The following BRIP1 variants were observed in gnomAD, a reference collection of about 807,000 sequenced individuals.
The protein encoded by BRIP1 is BRCA1 interacting DNA helicase 1, also known as Fanconi anemia group J protein.
A neutral mutation model predicts 119.7 loss-of-function variants in BRIP1; 88 were observed. That is an observed-to-expected ratio of 0.74 (90% CI 0.62 to 0.88). The LOEUF (loss-of-function observed/expected upper bound fraction) is 0.88, where lower values mean the gene tolerates loss of function less well. Ranked by LOEUF, BRIP1 falls within the 40% of genes least tolerant of loss-of-function variation. BRIP1 has a pLI of 0.00. For synonymous variants in BRIP1, 443 were observed against 496.5 expected, an observed-to-expected ratio of 0.89 and a Z score of 1.43; for missense variants, 1,259 against 1,455.4, an observed-to-expected ratio of 0.87 and a Z score of 2.20.
intron 16 of BRIP1, among the ~76,000 whole-genome samples, chr17:61,721,439 T>G (rs571580007): frequency 2.0e-5 from 3 of 151,876 alleles, no homozygotes; most frequent in Admixed American, 1.3e-4. Context: ...CCAGCTAATT[T>G]TTTGTATTTT....
In BRIP1 at chr17:61,762,231, A is replaced by G. The variant is rs533832696; in HGVS notation, c.2097+14170T>C. Among the ~76,000 whole-genome samples the G allele has an allele frequency of 2.0e-5, 3 of 152,196 alleles. No individual in the cohort carries two copies. Among genetic ancestry groups the G allele is most frequent in the African/African-American group, 7.2e-5 (3 of 41,566 alleles). Reference sequence around the variant, plus strand: ...AATGAAAATGGACCCTTATCTCACAATATTTAAAAAAAAACTCAAAATGAA... The same window carrying G: ...AATGAAAATGGACCCTTATCTCACAGTATTTAAAAAAAAACTCAAAATGAA... On this transcript the variant is annotated intron_variant, in intron 14 of 19. Transcript: ENST00000259008. The surrounding 1 kb of genome is among the most constrained non-coding windows in gnomAD (Gnocchi z 4.3).
rs544582161 is a variant in BRIP1, at chr17:61,680,085, G to A, written c.*3211C>T. Among the ~76,000 whole-genome samples the A allele has an allele frequency of 2.6e-4, 40 of 151,790 alleles. No homozygotes were observed. The highest frequency in any genetic ancestry group is 9.7e-4 in the African/African-American group (40 of 41,362). ...AGGCCAGGCATGGTGGCTCACGCCT[G>A]TAATCCCAACACTTTGGGAGGCCGA... On this transcript the variant is annotated 3_prime_UTR_variant, in exon 20 of 20. Coordinates refer to ENST00000259008, the MANE Select transcript of BRIP1 (RefSeq NM_032043.3).
rs143277569 is a variant in BRIP1 at position 61,739,670 on chromosome 17, A to G, written c.2379+3343T>C. Among the ~76,000 whole-genome samples the G allele has an allele frequency of 9.5e-3, 1,447 of 152,338 alleles. 14 individuals carry two copies. The highest frequency in any genetic ancestry group is 0.017 in the Non-Finnish European group (1,124 of 68,024). On this transcript the variant is annotated intron_variant, in intron 16 of 19. Coordinates refer to ENST00000259008, the MANE Select transcript of BRIP1 (RefSeq NM_032043.3). This position sits in a 1 kb window ranked among gnomAD's most constrained non-coding sequence, Gnocchi z 6.0. ...AGTATTAACAATTAAAAAGATAACT[A>G]TTCTAATGAAAGAACTCCTGCTTTG...
intron 16 of BRIP1, among the ~76,000 whole-genome samples, chr17:61,718,067 T>C (rs774797985): frequency 7.2e-5 from 11 of 152,210 alleles, no homozygotes; most frequent in Non-Finnish European, 1.2e-4. Context: ...ACATAAGATA[T>C]TTTAAAAATC....
rs1353924368 is a variant in BRIP1, at chr17:61,843,214, G to A, written c.627+3887C>T. Among the ~76,000 whole-genome samples, 2 of 152,130 alleles carry A rather than the reference G, an allele frequency of 1.3e-5. No homozygotes were observed. Among genetic ancestry groups the A allele is most frequent in the African/African-American group, 2.4e-5 (1 of 41,406 alleles). On this transcript the variant is annotated intron_variant, in intron 6 of 19. Coordinates refer to ENST00000259008, the MANE Select transcript of BRIP1 (RefSeq NM_032043.3). This position sits in a 1 kb window ranked among gnomAD's most constrained non-coding sequence, Gnocchi z 5.7. ...ACAATGGTTACTGGGGCAGGGAGGT[G>A]GGGGATTTGAGGAGATGTTGATCAA...
At chr17:61,716,313 C>T (rs1318669760) in intron 16 of BRIP1, among the ~76,000 whole-genome samples, 1 of 151,936 alleles carries the variant, frequency 6.6e-6, no homozygotes, top group African/African-American at 2.4e-5. Flanking sequence ...TTCATTAAAT[C>T]CACACAATTT....
Position 61,752,932 on chromosome 17 carries a change from G to A in BRIP1, c.2098-8341C>T, listed in dbSNP as rs1207958618. Among the ~76,000 whole-genome samples, 1 of 152,132 alleles carries A rather than the reference G, an allele frequency of 6.6e-6. No homozygotes were observed. The highest frequency in any genetic ancestry group is 1.5e-5 in the Non-Finnish European group (1 of 68,014). ...ATGATTACAGTACCTGCTATGTTTT[G>A]AACATTTGTCCTCTCCAAAATGTTG... On this transcript the variant is annotated intron_variant, in intron 14 of 19. Transcript: ENST00000259008. The surrounding 1 kb of genome is among the most constrained non-coding windows in gnomAD (Gnocchi z 6.2).
Position 61,695,898 on chromosome 17 carries a change from T to C in BRIP1, c.2493-2386A>G, listed in dbSNP as rs193293450. Among the ~76,000 whole-genome samples the C allele has an allele frequency of 1.3e-5, 2 of 152,284 alleles. No individual in the cohort carries two copies. The highest frequency in any genetic ancestry group is 3.9e-4 in the East Asian group (2 of 5,192). ...TTCTTAGAATTTTCTTAGAATGTAA[T>C]ATATCATTTGCAAATAAAAATAGTT... On this transcript the variant is annotated intron_variant, in intron 17 of 19. Transcript: ENST00000259008. This position sits in a 1 kb window ranked among gnomAD's most constrained non-coding sequence, Gnocchi z 4.3.
rs1944287688 is a variant in BRIP1, at chr17:61,803,194, A to C, written c.919-1720T>G. On this transcript the variant is annotated intron_variant, in intron 7 of 19. Coordinates refer to ENST00000259008, the MANE Select transcript of BRIP1 (RefSeq NM_032043.3). This position sits in a 1 kb window ranked among gnomAD's most constrained non-coding sequence, Gnocchi z 4.3. ...ACTGCAACCTCCGCCTCCCAGGTTC[A>C]AGCAATTCTTGTGCCTCAGCCACCA... is the stretch of plus-strand genomic sequence containing the variant. 6.6e-6 allele frequency among the ~76,000 whole-genome samples: 1 copy of C among 152,026 alleles called. No individual in the cohort carries two copies.
Position 61,686,186 on chromosome 17 carries a change from A to C in BRIP1, c.2576-21T>G. The C allele has an allele frequency of 6.2e-7, 1 of 1,611,820 alleles. No individual in the cohort carries two copies. On this transcript the variant is annotated intron_variant, in intron 18 of 19. Transcript: ENST00000259008. This position sits in a 1 kb window ranked among gnomAD's most constrained non-coding sequence, Gnocchi z 5.4. ...AAGTCCTAAAGAAAAAGGTAAACCCAGGGAAAATTTGGTTACTTAGTTATT... is the reference window on the plus strand; with the variant it reads ...AAGTCCTAAAGAAAAAGGTAAACCCCGGGAAAATTTGGTTACTTAGTTATT...
chr17:61,721,920 G>T (rs2061985296), intron 16 of BRIP1, among the ~76,000 whole-genome samples: 1 of 150,236 alleles, frequency 6.7e-6, no homozygotes, highest in Non-Finnish European at 1.5e-5. Flanking sequence ...GTAAAAACAG[G>T]GTTTCACCAT....
rs1409887406 is a variant in BRIP1 at position 61,780,545 on chromosome 17, T to C, written c.1795-144A>G. The C allele has an allele frequency of 7.6e-6, 6 of 790,530 alleles. No homozygotes were observed. The highest frequency in any genetic ancestry group is 7.0e-5 in the Admixed American group (3 of 42,822). The allele number at this position is 790,530 out of a possible 1,614,324, so 49.0% of individuals were successfully genotyped here. On this transcript the variant is annotated intron_variant, in intron 12 of 19. Coordinates refer to ENST00000259008, the MANE Select transcript of BRIP1 (RefSeq NM_032043.3). This position sits in a 1 kb window ranked among gnomAD's most constrained non-coding sequence, Gnocchi z 5.4. ...GAGTCTGAGACCAGCCTGGGCAATA[T>C]GGTGAAACCCCGTCTCTACAAAAAA...
chr17:61,808,874 A>C lies in BRIP1; in HGVS notation c.628-117T>G. On this transcript the variant is annotated intron_variant, in intron 6 of 19. Transcript: ENST00000259008. The surrounding 1 kb of genome is among the most constrained non-coding windows in gnomAD (Gnocchi z 4.1). ...AATCACAATGGTCAAATAAAGAGAA[A>C]TAACAAGAAATTATAGTATCTAAAA... is the stretch of plus-strand genomic sequence containing the variant. The C allele has an allele frequency of 9.5e-7, 1 of 1,054,084 alleles. No homozygotes were observed. The highest frequency in any genetic ancestry group is 1.4e-6 in the Non-Finnish European group (1 of 724,834). The allele number at this position is 1,054,084 out of a possible 1,614,324, so 65.3% of individuals were successfully genotyped here.
Position 61,768,234 on chromosome 17 carries a change from G to A in BRIP1, c.2097+8167C>T, listed in dbSNP as rs570154521. 6.6e-6 allele frequency among the ~76,000 whole-genome samples: 1 copy of A among 152,106 alleles called. No homozygotes were observed. Among genetic ancestry groups the A allele is most frequent in the South Asian group, 2.1e-4 (1 of 4,828 alleles). On this transcript the variant is annotated intron_variant, in intron 14 of 19. Coordinates refer to ENST00000259008, the MANE Select transcript of BRIP1 (RefSeq NM_032043.3). The surrounding 1 kb of genome is among the most constrained non-coding windows in gnomAD (Gnocchi z 5.0). ...AAATAAATGTGAAGTAAAGTTATGAGATTTCTCAGGAAGATCTTAAATATA... is the reference window on the plus strand; with the variant it reads ...AAATAAATGTGAAGTAAAGTTATGAAATTTCTCAGGAAGATCTTAAATATA...
chr17:61,716,681 G>A (rs930518559), intron 16 of BRIP1, among the ~76,000 whole-genome samples: 1 of 97,254 alleles, frequency 1.0e-5, no homozygotes. Context: ...TTATTGTTAT[G>A]ATTGGGTTTA....
At position 61,710,754 on chromosome 17, in the gene BRIP1, G is replaced by A. The variant is rs748039297; in HGVS notation, c.2492+5197C>T. 1.1e-4 allele frequency among the ~76,000 whole-genome samples: 17 copies of A among 152,066 alleles called. No individual in the cohort carries two copies. The highest frequency in any genetic ancestry group is 2.0e-4 in the Admixed American group (3 of 15,268). On this transcript the variant is annotated intron_variant, in intron 17 of 19. Transcript: ENST00000259008. This position sits in a 1 kb window ranked among gnomAD's most constrained non-coding sequence, Gnocchi z 5.4. ...TAAAGGGCCATTTAGTAGCCATGTG[G>A]CCTTAGAAAAATAATTTAATTTCTC...
In BRIP1 at chr17:61,726,337, C is replaced by T. The variant is rs567896536; in HGVS notation, c.2380-10274G>A. On this transcript the variant is annotated intron_variant, in intron 16 of 19. Transcript: ENST00000259008. This position sits in a 1 kb window ranked among gnomAD's most constrained non-coding sequence, Gnocchi z 6.2. ...GCATCAGATACTAGAGGTAAGTGGA[C>T]GAGAAAGTCATTACTTACCCCATAT... 6.6e-5 allele frequency among the ~76,000 whole-genome samples: 10 copies of T among 152,240 alleles called. No homozygotes were observed. The highest frequency in any genetic ancestry group is 1.9e-4 in the East Asian group (1 of 5,188).
chr17:61,790,893 T>C (rs912970676), intron 10 of BRIP1, among the ~76,000 whole-genome samples: 2 of 152,028 alleles, frequency 1.3e-5, no homozygotes, highest in African/African-American at 4.8e-5. Flanking sequence ...TGTCAAAGTG[T>C]AGGATTACTG....
rs113285083 is a variant in BRIP1 at position 61,691,095 on chromosome 17, G to T, written c.2575+2335C>A. Among the ~76,000 whole-genome samples, 1 of 135,080 alleles carries T rather than the reference G, an allele frequency of 7.4e-6. No individual in the cohort carries two copies. Among genetic ancestry groups the T allele is most frequent in the Non-Finnish European group, 1.6e-5 (1 of 63,204 alleles). The allele number at this position is 135,080 out of a possible 152,430, so 88.6% of individuals were successfully genotyped here. A position where few individuals can be genotyped will look rare whatever the true frequency, so the allele number is the denominator to read the frequency against. On this transcript the variant is annotated intron_variant, in intron 18 of 19. Transcript: ENST00000259008. The surrounding 1 kb of genome is among the most constrained non-coding windows in gnomAD (Gnocchi z 5.0). ...ACCGGGGCCTGTTGTGGGGTGGGGG[G>T]AGAGGGGGGAGGGATAGCATTAGGA...
Sources: gnomAD v4.1 joint callset for allele counts (sites outside exome capture counted in the v4.1 genomes callset) on GRCh38, gnomAD v4.1.1 for gene constraint, Gnocchi (gnomAD v3.1) non-coding constraint, MANE v1.5 for transcripts, NCBI Gene and HGNC (gene_info 2026-07-23, HGNC 2026-07-21) for gene names.